The following CUX1 variants were observed in gnomAD, a reference collection of about 807,000 sequenced individuals.
CUX1 encodes the protein protein CASP.
CUX1 carries 31 observed loss-of-function variants against 158.8 expected under a neutral mutation model. The ratio of observed to expected loss-of-function variants is 0.20; its 90% confidence interval spans 0.15 to 0.26. The LOEUF (loss-of-function observed/expected upper bound fraction) is 0.26. Ranked by LOEUF, CUX1 falls within the 10% of genes least tolerant of loss-of-function variation. The pLI, the probability that CUX1 is intolerant of heterozygous loss-of-function variation, is 1.00. For missense variants in CUX1, 1,589 were observed against 2,014.6 expected (o/e 0.79, Z 4.04); for synonymous variants, 879 against 862.1 (o/e 1.02, Z -0.34).
In CUX1 at chr7:102,041,254, T is replaced by TCC. The variant is rs1304433914; in HGVS notation, c.189+13109_189+13110insCC. Among the ~76,000 whole-genome samples, 65 of 118,132 alleles carry TCC rather than the reference T, an allele frequency of 5.5e-4. 1 individual carries two copies. The highest frequency in any genetic ancestry group is 1.8e-3 in the African/African-American group (54 of 29,496). The allele number at this position is 118,132 out of a possible 152,430, so 77.5% of individuals were successfully genotyped here. On this transcript the variant is annotated intron_variant, in intron 3 of 23. Transcript: ENST00000292535. ...CAGGGAGATTGTCACCTCTTATCCA[T>TCC]TCTTTTTTTTTTTTTTTTTTTTTTT...
At chr7:101,920,629 A>G (rs1698417929) in intron 2 of CUX1, among the ~76,000 whole-genome samples, 1 of 152,204 alleles carries the variant, frequency 6.6e-6, no homozygotes, top group African/African-American at 2.4e-5. Context: ...TATATTTGCC[A>G]TCATATGATA....
intron 2 of CUX1, among the ~76,000 whole-genome samples, chr7:101,978,453 G>A (rs966814774): frequency 1.3e-5 from 2 of 152,202 alleles, no homozygotes; most frequent in African/African-American, 4.8e-5. Context: ...GATACACCTG[G>A]GCTCCCAGCT....
At chr7:101,984,119 T>C (rs1443061637) in intron 2 of CUX1, among the ~76,000 whole-genome samples, 6 of 44,134 alleles carry the variant, frequency 1.4e-4, no homozygotes, top group African/African-American at 4.8e-4. Flanking sequence ...TATATATATA[T>C]ATATATATAT....
chr7:102,226,551 A>G (rs564664522), intron 20 of CUX1, among the ~76,000 whole-genome samples: 9 of 152,342 alleles, frequency 5.9e-5, no homozygotes, highest in Admixed American at 1.3e-4. Context: ...ACATAAAAGT[A>G]AAAATAAACC....
In CUX1 at chr7:102,010,465, AC is replaced by A. The variant is rs1216829279; in HGVS notation, c.142-17631del. ...TAAGAAAGGGAGATTCACCAAGTGAACCATGCATAGCATCTCTTAAATCTGT... is the reference window on the plus strand; with the variant it reads ...TAAGAAAGGGAGATTCACCAAGTGAACATGCATAGCATCTCTTAAATCTGT... On this transcript the variant is annotated intron_variant, in intron 2 of 23. Coordinates refer to ENST00000292535, the MANE Select transcript of CUX1 (RefSeq NM_181552.4). Among the ~76,000 whole-genome samples the A allele has an allele frequency of 2.0e-5, 3 of 151,882 alleles. No individual in the cohort carries two copies. In the East Asian group the frequency reaches 5.8e-4, roughly 29 times the overall value.
chr7:101,984,148 A>ATGTGTGTG (rs71119798), intron 2 of CUX1, among the ~76,000 whole-genome samples: 1 of 75,336 alleles, frequency 1.3e-5, no homozygotes, highest in Non-Finnish European at 2.7e-5. Context: ...ACATATATAT[A>ATGTGTGTG]TGTGTGTGTG....
intron 4 of CUX1, among the ~76,000 whole-genome samples, chr7:102,073,615 A>G (rs1826389079): frequency 6.6e-6 from 1 of 152,166 alleles, no homozygotes; most frequent in African/African-American, 2.4e-5. Flanking sequence ...GTTCTGTGTT[A>G]ATTTCCCATA....
rs1244425295 is a variant in CUX1 at position 102,250,607 on chromosome 7, A to C, written c.*1565A>C. The C allele has an allele frequency of 1.0e-6, 1 of 985,288 alleles. No homozygotes were observed. The allele number at this position is 985,288 out of a possible 1,614,324, so 61.0% of individuals were successfully genotyped here. On this transcript the variant is annotated 3_prime_UTR_variant, in exon 24 of 24. Transcript: ENST00000292535. Reference sequence around the variant, plus strand: ...TAGAAATGGCCCAAACTCACACCAAAACGTGGATGCTCTTCAACTTCCAAA... The same window carrying C: ...TAGAAATGGCCCAAACTCACACCAACACGTGGATGCTCTTCAACTTCCAAA...
rs191100648 is a variant in CUX1 at position 102,085,020 on chromosome 7, G to A, written c.269-12344G>A. Among the ~76,000 whole-genome samples, 19 of 151,878 alleles carry A rather than the reference G, an allele frequency of 1.3e-4. No individual in the cohort carries two copies. In the East Asian group the frequency reaches 2.3e-3, roughly 19 times the overall value. ...AACTGTAGATTTTTTTGTAGTTGCCGTTTATAAGATGGAAATTCTCTCCTA... is the reference window on the plus strand; with the variant it reads ...AACTGTAGATTTTTTTGTAGTTGCCATTTATAAGATGGAAATTCTCTCCTA... On this transcript the variant is annotated intron_variant, in intron 4 of 23. Coordinates refer to ENST00000292535, the MANE Select transcript of CUX1 (RefSeq NM_181552.4).
intron 2 of CUX1, among the ~76,000 whole-genome samples, chr7:101,929,671 C>A (rs2129113414): frequency 6.6e-6 from 1 of 152,130 alleles, no homozygotes; most frequent in Non-Finnish European, 1.5e-5. Flanking sequence ...AGTGCATGAC[C>A]ATCATTTCTC....
intron 22 of CUX1, chr7:102,282,929 C>A: frequency 1.1e-6 from 1 of 916,258 alleles, no homozygotes; most frequent in Non-Finnish European, 1.7e-6. Context: ...TCCCGGTATC[C>A]ACTACCCCCT....
At chr7:101,986,269 G>T (rs1814285622) in intron 2 of CUX1, among the ~76,000 whole-genome samples, 2 of 152,222 alleles carry the variant, frequency 1.3e-5, no homozygotes, top group South Asian at 4.1e-4. Context: ...AGATCAGTAG[G>T]TCTGTCTCCC....
At chr7:102,158,537 C>T (rs782006911) in intron 8 of CUX1, 23 bp from the exon 9 acceptor site, 7 of 1,613,624 alleles carry the variant, frequency 4.3e-6, no homozygotes, top group Non-Finnish European at 5.1e-6. Context: ...GACTAACCTG[C>T]TCTCTCCCTC....
intron 21 of CUX1, among the ~76,000 whole-genome samples, chr7:102,229,267 G>A (rs369434920): frequency 6.6e-6 from 1 of 151,586 alleles, no homozygotes; most frequent in East Asian, 1.9e-4. Context: ...CTGGTCATCA[G>A]CTGCTGTGGC....
intron 2 of CUX1, among the ~76,000 whole-genome samples, chr7:101,995,484 A>G (rs1178984053): frequency 6.6e-6 from 1 of 152,242 alleles, no homozygotes; most frequent in Non-Finnish European, 1.5e-5. Context: ...AATGACCTTC[A>G]TCAAATGTCT....
At chr7:101,862,261 T>A (rs1797536045) in intron 1 of CUX1, among the ~76,000 whole-genome samples, 1 of 151,898 alleles carries the variant, frequency 6.6e-6, no homozygotes, top group African/African-American at 2.4e-5. Flanking sequence ...GAGCAGACAC[T>A]CCTGTTGGTC....
chr7:102,111,612 A>G lies in CUX1; in HGVS notation c.531-86A>G, dbSNP rs535948873. The G allele has an allele frequency of 6.0e-4, 729 of 1,222,564 alleles. 2 individuals are homozygous for G. In the African/African-American group the frequency reaches 0.01, roughly 17 times the overall value. The allele number at this position is 1,222,564 out of a possible 1,614,324, so 75.7% of individuals were successfully genotyped here. The stretch of plus-strand genomic sequence containing the variant: ...CGCCTGCCGCCAGCTGAGCGCAGGG[A>G]GGGAGCTGAGCTCAGCCGAAAGGCA... On this transcript the variant is annotated intron_variant, in intron 6 of 23. Coordinates refer to ENST00000292535, the MANE Select transcript of CUX1 (RefSeq NM_181552.4).
chr7:102,189,466 G>A (rs1318625877), intron 11 of CUX1, among the ~76,000 whole-genome samples: 1 of 147,032 alleles, frequency 6.8e-6, no homozygotes, highest in African/African-American at 2.5e-5. Flanking sequence ...CACAATCATA[G>A]CTCACTGCAC....
At chr7:102,165,325 A>T (rs868988749) in intron 9 of CUX1, among the ~76,000 whole-genome samples, 1 of 147,656 alleles carries the variant, frequency 6.8e-6, no homozygotes, top group Non-Finnish European at 1.5e-5. Flanking sequence ...TCACATCCCA[A>T]TCGGGCACTG....
Sources: allele counts gnomAD v4.1 joint callset (sites outside exome capture counted in the v4.1 genomes callset), GRCh38; gene constraint gnomAD v4.1.1; transcripts MANE v1.5; gene names NCBI Gene and HGNC (gene_info 2026-07-23, HGNC 2026-07-21).